Variants in HLA-DPA1 observed in about 807,000 individuals in gnomAD.
The protein encoded by HLA-DPA1 is HLA class II histocompatibility antigen, DP alpha 1 chain.
A neutral mutation model predicts 21.5 loss-of-function variants in HLA-DPA1; 20 were observed. The ratio of observed to expected loss-of-function variants is 0.93; its 90% CI spans 0.66 to 1.35. The LOEUF (loss-of-function observed/expected upper bound fraction) is 1.35, where lower values mean the gene tolerates loss of function less well. Among genes scored for constraint, HLA-DPA1 ranks in the 40% most tolerant of loss-of-function variants. The pLI, the probability that HLA-DPA1 is intolerant of heterozygous loss-of-function variation, is 0.00. For missense variants in HLA-DPA1, 279 were observed against 323.0 expected, an observed-to-expected ratio of 0.86 and a Z score of 1.05; for synonymous variants, 123 against 129.6, an observed-to-expected ratio of 0.95 and a Z score of 0.35.
intron 3 of HLA-DPA1, 44 bp downstream of exon 2, chr6:33,069,597 C>T (rs1445445805): frequency 1.2e-6 from 2 of 1,606,312 alleles, no homozygotes; most frequent in South Asian, 2.2e-5. Flanking sequence ...CCCTCTCATC[C>T]CTTCCAGTTG....
intron 1 of HLA-DPA1, among the ~76,000 whole-genome samples, chr6:33,077,431 T>C (rs2213308): frequency 0.58 from 88,057 of 151,752 alleles, 27,647 homozygotes; most frequent in East Asian, 0.88. Flanking sequence ...TGGGTATATA[T>C]CCAGTAATGG....
Position 33,078,470 on chromosome 6 carries a change from G to A in HLA-DPA1, c.-100+2210C>T, listed in dbSNP as rs141755349. ...GCTATAGCTTAAAGAGGCTGGGGGA[G>A]AAAAGCTTGGCTGAGACAACCCATA... On this transcript the variant is annotated intron_variant, in intron 1 of 5. Transcript: ENST00000419277. Among the ~76,000 whole-genome samples, 725 of 152,270 alleles carry A rather than the reference G, an allele frequency of 4.8e-3. 2 individuals are homozygous for A. Among genetic ancestry groups the A allele is most frequent in the African/African-American group, 0.017 (688 of 41,528 alleles).
chr6:33,072,800 G>A (rs1270996553), intron 2 of HLA-DPA1, among the ~76,000 whole-genome samples: 1 of 152,122 alleles, frequency 6.6e-6, no homozygotes, highest in Non-Finnish European at 1.5e-5. Context: ...CAAAAGTCTA[G>A]GCCTCCCTTG....
Position 33,069,317 on chromosome 6 carries a change from C to G in HLA-DPA1, c.347-17G>C, listed in dbSNP as rs1420873803. ...CAGGGGGATCTGGAAGGAGACAGCA[C>G]CAGGTTAGGCCCCTCTTCTGGGATG... On this transcript the variant is annotated splice_polypyrimidine_tract_variant and intron_variant, in intron 3 of 5. Coordinates refer to ENST00000419277, the Ensembl canonical transcript of HLA-DPA1. 8 of 1,605,390 alleles carry G rather than the reference C, an allele frequency of 5.0e-6. No individual in the cohort carries two copies. In the South Asian group the frequency reaches 6.7e-5, roughly 13 times the overall value.
chr6:33,068,949 G>A (rs1429817541), intron 4 of HLA-DPA1, 70 bp downstream of exon 3: 2 of 1,564,234 alleles, frequency 1.3e-6, no homozygotes, highest in Non-Finnish European at 1.7e-6. Flanking sequence ...GCGGAAAGCT[G>A]GTGCAGAGGA....
intron 1 of HLA-DPA1, among the ~76,000 whole-genome samples, chr6:33,078,463 T>C (rs1762668725): frequency 1.3e-5 from 2 of 152,042 alleles, no homozygotes; most frequent in Non-Finnish European, 2.9e-5. Flanking sequence ...TTAAAGAGGC[T>C]GGGGGAGAAA....
intron 4 of HLA-DPA1, 21 bp from the exon 4 acceptor site, chr6:33,068,825 T>G: frequency 6.2e-7 from 1 of 1,611,862 alleles, no homozygotes; most frequent in Non-Finnish European, 8.5e-7. Context: ...AATGAAGAGA[T>G]AGGGTCAGGA....
intron 1 of HLA-DPA1, among the ~76,000 whole-genome samples, chr6:33,074,056 T>G (rs962328929): frequency 6.6e-6 from 1 of 152,240 alleles, no homozygotes; most frequent in African/African-American, 2.4e-5. Context: ...ATGTGCTATC[T>G]AATAAAATAT....
chr6:33,073,838 T>G, intron 1 of HLA-DPA1, 189 bp from the exon 1 acceptor site: 1 of 419,498 alleles, frequency 2.4e-6, no homozygotes, highest in Non-Finnish European at 4.2e-6. Flanking sequence ...CACAGTTCAT[T>G]TTCAGAGTTA....
At chr6:33,069,717 C>A in exon 3 of HLA-DPA1, 1 of 1,612,770 alleles carries the variant, frequency 6.2e-7, no homozygotes, top group Non-Finnish European at 8.5e-7. Flanking sequence ...TGTTAGCCAG[C>A]CCGCCCTGAG....
chr6:33,068,043 T>C (rs551819542), intron 5 of HLA-DPA1: 1 of 152,296 alleles, frequency 6.6e-6, no homozygotes, highest in Non-Finnish European at 1.5e-5. Flanking sequence ...TAAAGCATGG[T>C]GAGTGTTATG....
chr6:33,072,499 C>T (rs1762326082), intron 2 of HLA-DPA1, among the ~76,000 whole-genome samples: 1 of 152,112 alleles, frequency 6.6e-6, no homozygotes. Flanking sequence ...GAAGAGAAGC[C>T]TATTGTGGTG....
intron 1 of HLA-DPA1, chr6:33,076,147 A>G (rs1277529410): frequency 6.3e-7 from 1 of 1,586,798 alleles, no homozygotes; most frequent in South Asian, 1.1e-5. Context: ...TCCAGGTAAG[A>G]GCCGAACTGC....
At chr6:33,065,609 A>C (rs1443077693) in intron 5 of HLA-DPA1, 13 of 152,218 alleles carry the variant, frequency 8.5e-5, no homozygotes. Context: ...TCTCCAAAAT[A>C]TACAGACAAG....
rs775250428 is a variant in HLA-DPA1, at chr6:33,068,913, G to A, written c.628+106C>T. 2.6e-4 allele frequency: 402 copies of A among 1,535,028 alleles called. 2 individuals are homozygous for A. The highest frequency in any genetic ancestry group is 3.0e-4 in the Non-Finnish European group (338 of 1,121,294). ...GGACCAGTTAATTGGATGTTAGGACGAGGAGAGGACTGAGACCCAGCCAGT... is the reference window on the plus strand; with the variant it reads ...GGACCAGTTAATTGGATGTTAGGACAAGGAGAGGACTGAGACCCAGCCAGT... On this transcript the variant is annotated intron_variant, in intron 4 of 5. Coordinates refer to ENST00000419277, the Ensembl canonical transcript of HLA-DPA1.
chr6:33,068,636 A>C lies in HLA-DPA1; in HGVS notation c.*12+2T>G. On this transcript the variant is annotated splice_donor_variant, in intron 5 of 5. Coordinates refer to ENST00000419277, the Ensembl canonical transcript of HLA-DPA1. LOFTEE classifies it low-confidence loss of function (3UTR_SPLICE). ...CCTAGGGCCTCCTCTTTACATTCCC[A>C]CCTTTACAGTATTTCACAGGGTCCC... 6.2e-7 allele frequency: 1 copy of C among 1,604,026 alleles called. No homozygotes were observed. Among genetic ancestry groups the C allele is most frequent in the Non-Finnish European group, 8.5e-7 (1 of 1,175,554 alleles).
exon 2 of HLA-DPA1, chr6:33,073,600 G>A (rs2150363934): frequency 6.6e-7 from 1 of 1,525,572 alleles, no homozygotes; most frequent in Non-Finnish European, 9.1e-7. Flanking sequence ...ATGACTGTGA[G>A]CACAGGAACA....
intron 2 of HLA-DPA1, among the ~76,000 whole-genome samples, chr6:33,072,993 G>A (rs1762353627): frequency 6.6e-6 from 1 of 152,102 alleles, no homozygotes; most frequent in Non-Finnish European, 1.5e-5. Flanking sequence ...TCCATAGCTC[G>A]GAGTTCCTGT....
At chr6:33,065,847 T>G (rs2150354892) in intron 5 of HLA-DPA1, 1 of 152,172 alleles carries the variant, frequency 6.6e-6, no homozygotes, top group African/African-American at 2.4e-5. Flanking sequence ...CTTTAATTCC[T>G]TGGCTCATGT....
Sources: gnomAD v4.1 joint callset for allele counts (sites outside exome capture counted in the v4.1 genomes callset) on GRCh38, gnomAD v4.1.1 for gene constraint, MANE v1.5 for transcripts, NCBI Gene and HGNC (gene_info 2026-07-23, HGNC 2026-07-21) for gene names.